Variants in RNLS observed in about 807,000 individuals in gnomAD.
RNLS encodes renalase, FAD dependent amine oxidase, also known as renalase.
Under a neutral mutation model 39.8 loss-of-function variants are expected in RNLS, and 39 were observed. The ratio of observed to expected loss-of-function variants is 0.98; its 90% CI spans 0.76 to 1.28. The LOEUF (loss-of-function observed/expected upper bound fraction) is 1.28, where lower values mean the gene tolerates loss of function less well. Among genes scored for constraint, RNLS ranks in the 50% most tolerant of loss-of-function variants. RNLS has a pLI of 0.00. For missense variants in RNLS, 410 were observed against 413.3 expected (o/e 0.99, Z 0.07); for synonymous variants, 147 against 150.7 (o/e 0.98, Z 0.18).
At chr10:88,367,635 G>A (rs1405582302) in intron 4 of RNLS, among the ~76,000 whole-genome samples, 1 of 152,154 alleles carries the variant, frequency 6.6e-6, no homozygotes, top group East Asian at 1.9e-4. Flanking sequence ...GTACCAGTTT[G>A]TACTTCCACC....
chr10:88,185,072 T>C, the RNLS span, among the ~76,000 whole-genome samples: 1 of 152,126 alleles, frequency 6.6e-6, no homozygotes, highest in Non-Finnish European at 1.5e-5. Context: ...AGAAATATAG[T>C]CACTGAGGCC....
At chr10:88,254,337 T>C in the RNLS span, among the ~76,000 whole-genome samples, 5 of 152,128 alleles carry the variant, frequency 3.3e-5, no homozygotes, top group Admixed American at 6.5e-5. Context: ...TGAGTCAGAG[T>C]CTTTCTCCCC....
intron 4 of RNLS, among the ~76,000 whole-genome samples, chr10:88,536,538 C>T (rs1847768846): frequency 6.6e-6 from 1 of 152,038 alleles, no homozygotes; most frequent in Non-Finnish European, 1.5e-5. Flanking sequence ...CTACAAGATC[C>T]TTTATACTCT....
intron 4 of RNLS, among the ~76,000 whole-genome samples, chr10:88,399,625 G>A (rs1852791213): frequency 6.6e-6 from 1 of 152,028 alleles, no homozygotes; most frequent in Non-Finnish European, 1.5e-5. Flanking sequence ...GGTGGGAATG[G>A]AGAGTAACTA....
intron 4 of RNLS, among the ~76,000 whole-genome samples, chr10:88,499,519 G>C (rs1022810941): frequency 6.6e-6 from 1 of 152,112 alleles, no homozygotes; most frequent in East Asian, 1.9e-4. Context: ...TGCTTTATCA[G>C]ATCTGGCTTT....
chr10:88,405,103 G>A (rs1298570175), intron 4 of RNLS, among the ~76,000 whole-genome samples: 1 of 152,024 alleles, frequency 6.6e-6, no homozygotes, highest in East Asian at 1.9e-4. Flanking sequence ...GCACAGGGCC[G>A]AATACTGCCT....
intron 6 of RNLS, among the ~76,000 whole-genome samples, chr10:88,310,824 A>AGAAAG (rs1554854325): frequency 1.8e-5 from 2 of 113,410 alleles, no homozygotes; most frequent in Admixed American, 2.0e-4. Context: ...AAAAAAAAAA[A>AGAAAG]AAAGAAAGAA....
At chr10:88,396,989 C>T (rs1350383417) in intron 4 of RNLS, among the ~76,000 whole-genome samples, 2 of 151,852 alleles carry the variant, frequency 1.3e-5, no homozygotes, top group Non-Finnish European at 2.9e-5. Flanking sequence ...GATGCAAAAA[C>T]TTACAGAAGT....
the RNLS span, among the ~76,000 whole-genome samples, chr10:88,191,244 G>A: frequency 2.6e-5 from 4 of 152,156 alleles, no homozygotes; most frequent in South Asian, 6.2e-4. Flanking sequence ...GATGCGCATT[G>A]TATAGGGTGT....
chr10:88,318,703 T>C (rs1039273845), intron 5 of RNLS, among the ~76,000 whole-genome samples: 3 of 151,876 alleles, frequency 2.0e-5, no homozygotes, highest in African/African-American at 7.3e-5. Flanking sequence ...GCCAAAATGG[T>C]ATATCAGTAG....
At chr10:88,356,876 C>A (rs1849233654) in intron 5 of RNLS, among the ~76,000 whole-genome samples, 1 of 151,658 alleles carries the variant, frequency 6.6e-6, no homozygotes, top group Non-Finnish European at 1.5e-5. Context: ...TCTTAATCTC[C>A]TCAGATTGCT....
At chr10:88,172,451 T>C in the RNLS span, among the ~76,000 whole-genome samples, 4 of 152,346 alleles carry the variant, frequency 2.6e-5, no homozygotes, top group South Asian at 8.3e-4. Context: ...TTTTTTCATA[T>C]ACTTGTTGGC....
At chr10:88,243,848 C>A in the RNLS span, among the ~76,000 whole-genome samples, 1 of 152,224 alleles carries the variant, frequency 6.6e-6, no homozygotes, top group Non-Finnish European at 1.5e-5. Flanking sequence ...TCCTATCACC[C>A]TTGGCAGCTA....
intron 6 of RNLS, among the ~76,000 whole-genome samples, chr10:88,306,280 G>A (rs1263540812): frequency 6.6e-6 from 1 of 151,948 alleles, no homozygotes; most frequent in African/African-American, 2.4e-5. Context: ...ACAGAACCAA[G>A]AGCAAATACA....
rs145012710 is a variant in RNLS, at chr10:88,579,313, C to T, written c.367+2254G>A. On this transcript the variant is annotated intron_variant, in intron 3 of 6. Coordinates refer to ENST00000331772, the MANE Select transcript of RNLS (RefSeq NM_001031709.3). ...AACTGTTGTGAGCTACAATCAAACA[C>T]GGTAGGTCAGATAATTTCTTTATGG... 6.3e-3 allele frequency among the ~76,000 whole-genome samples: 953 copies of T among 152,192 alleles called. 4 individuals carry two copies. Among genetic ancestry groups the T allele is most frequent in the Non-Finnish European group, 9.9e-3 (674 of 68,018 alleles).
chr10:88,438,972 G>A (rs903488470), intron 4 of RNLS, among the ~76,000 whole-genome samples: 6 of 152,110 alleles, frequency 3.9e-5, no homozygotes, highest in East Asian at 1.9e-4. Flanking sequence ...CACCGGGGGC[G>A]GGTGGGAGTG....
intron 5 of RNLS, among the ~76,000 whole-genome samples, chr10:88,338,251 C>G (rs1449873197): frequency 6.6e-6 from 1 of 152,200 alleles, no homozygotes; most frequent in South Asian, 2.1e-4. Flanking sequence ...AAACGCTTCC[C>G]TTCAACTGAG....
intron 6 of RNLS, among the ~76,000 whole-genome samples, chr10:88,310,441 T>C (rs776479892): frequency 1.3e-5 from 2 of 152,120 alleles, no homozygotes; most frequent in African/African-American, 4.8e-5. Context: ...GTATTTTTTT[T>C]AATAAAGAGA....
chr10:88,326,225 C>T (rs1430381689), intron 5 of RNLS, among the ~76,000 whole-genome samples: 1 of 152,112 alleles, frequency 6.6e-6, no homozygotes, highest in Non-Finnish European at 1.5e-5. Context: ...GAGGTTGGAA[C>T]AGTTTAGAGG....
Sources: allele counts gnomAD v4.1 joint callset (sites outside exome capture counted in the v4.1 genomes callset), GRCh38; gene constraint gnomAD v4.1.1; transcripts MANE v1.5; gene names NCBI Gene and HGNC (gene_info 2026-07-23, HGNC 2026-07-21).